EIF4E: variants seen among roughly 807,000 people sequenced by gnomAD.
EIF4E encodes eIF-4F 25 kDa subunit.
For missense variants in EIF4E, 113 were observed against 265.6 expected (o/e 0.43, Z 3.99); for synonymous variants, 71 against 88.5 (o/e 0.80, Z 1.11).
intron 6 of EIF4E, among the ~76,000 whole-genome samples, chr4:98,882,648 T>C (rs899580403): frequency 6.6e-6 from 1 of 151,942 alleles, no homozygotes; most frequent in Admixed American, 6.6e-5. Flanking sequence ...TGCAATGCAT[T>C]CCTTTCAATT....
chr4:98,919,558 C>CTTTTTTTTTT (rs532537834), intron 1 of EIF4E, among the ~76,000 whole-genome samples: 1 of 131,890 alleles, frequency 7.6e-6, no homozygotes, highest in African/African-American at 2.8e-5. Context: ...GATTCTTTTT[C>CTTTTTTTTTT]TTTTTTTTTT....
At chr4:98,886,753 G>T (rs1437448415) in intron 5 of EIF4E, 1 of 362,586 alleles carries the variant, frequency 2.8e-6, no homozygotes, top group Non-Finnish European at 5.3e-6. Flanking sequence ...TATACATATA[G>T]CAATGCTGTA....
rs1414398452 is a variant in EIF4E at position 98,880,296 on chromosome 4, T to C, written c.*732A>G. On this transcript the variant is annotated 3_prime_UTR_variant, in exon 7 of 7. Coordinates refer to ENST00000450253, the MANE Select transcript of EIF4E (RefSeq NM_001968.5). ...TTATGTTTAGGAAATCACACAAACA[T>C]AGATCACTGATTTGAATGAAATGCA... The C allele has an allele frequency of 7.7e-6, 1 of 130,442 alleles. No homozygotes were observed. The highest frequency in any genetic ancestry group is 2.9e-5 in the African/African-American group (1 of 34,244). 8.1% of individuals were successfully genotyped at this position (130,442 alleles called of 1,614,324 possible). A position where few individuals can be genotyped will look rare whatever the true frequency, so the allele number is the denominator to read the frequency against.
At chr4:98,910,476 T>C (rs1389220819) in intron 1 of EIF4E, among the ~76,000 whole-genome samples, 7 of 152,202 alleles carry the variant, frequency 4.6e-5, no homozygotes. Flanking sequence ...TGTGTACAAA[T>C]TGTGCAGTGT....
chr4:98,913,641 A>G (rs1725247243), intron 1 of EIF4E, among the ~76,000 whole-genome samples: 1 of 152,214 alleles, frequency 6.6e-6, no homozygotes, highest in Non-Finnish European at 1.5e-5. Flanking sequence ...ACCTTTCAAA[A>G]GAAAATATTT....
At chr4:98,903,108 G>A (rs1231742976) in intron 1 of EIF4E, among the ~76,000 whole-genome samples, 1 of 152,084 alleles carries the variant, frequency 6.6e-6, no homozygotes, top group Non-Finnish European at 1.5e-5. Flanking sequence ...TAAAATAGGT[G>A]TTCACCACAT....
intron 1 of EIF4E, among the ~76,000 whole-genome samples, chr4:98,927,780 A>T (rs1721252704): frequency 6.6e-6 from 1 of 151,834 alleles, no homozygotes; most frequent in African/African-American, 2.4e-5. Flanking sequence ...CAAGGTCTAG[A>T]GCTGGTTCCA....
At chr4:98,924,746 C>T (rs1377606746) in intron 1 of EIF4E, among the ~76,000 whole-genome samples, 1 of 152,274 alleles carries the variant, frequency 6.6e-6, no homozygotes, top group East Asian at 1.9e-4. Context: ...GCGCCTGCCA[C>T]CAGGCCTGGC....
At chr4:98,904,991 T>C (rs767037826) in intron 1 of EIF4E, among the ~76,000 whole-genome samples, 1 of 152,064 alleles carries the variant, frequency 6.6e-6, no homozygotes, top group Non-Finnish European at 1.5e-5. Flanking sequence ...ATGATCTATA[T>C]GGGAACTAAA....
At chr4:98,921,888 C>T (rs1725656303) in intron 1 of EIF4E, among the ~76,000 whole-genome samples, 1 of 152,130 alleles carries the variant, frequency 6.6e-6, no homozygotes, top group African/African-American at 2.4e-5. Context: ...GGTTAAGTGT[C>T]CATCCACTTT....
chr4:98,917,128 ACACAC>A lies in EIF4E; in HGVS notation c.18+11962_18+11966del, dbSNP rs1252289892. On this transcript the variant is annotated intron_variant, in intron 1 of 6. Coordinates refer to ENST00000450253, the MANE Select transcript of EIF4E (RefSeq NM_001968.5). ...CACACACACACACACACACACACACACACACAAAAAAAACCCAAATGCTCAAGTGT... is the reference window on the plus strand; with the variant it reads ...CACACACACACACACACACACACACAAAAAAAAACCCAAATGCTCAAGTGT... Among the ~76,000 whole-genome samples, 56 of 47,608 alleles carry A rather than the reference ACACAC, an allele frequency of 1.2e-3. 1 individual carries two copies. Among genetic ancestry groups the A allele is most frequent in the South Asian group, 2.3e-3 (5 of 2,140 alleles). 31.2% of individuals were successfully genotyped at this position (47,608 alleles called of 152,430 possible). A position where few individuals can be genotyped will look rare whatever the true frequency, so the allele number is the denominator to read the frequency against.
Position 98,912,572 on chromosome 4 carries a change from CA to C in EIF4E, c.19-10591del, listed in dbSNP as rs964992060. On this transcript the variant is annotated intron_variant, in intron 1 of 6. Coordinates refer to ENST00000450253, the MANE Select transcript of EIF4E (RefSeq NM_001968.5). ...GCATAGCGAAAGCAAGACTCCATCT[CA>C]AAAAAAAAACCACAAAGAAAAGAAA... Among the ~76,000 whole-genome samples the C allele has an allele frequency of 9.5e-3, 1,366 of 143,450 alleles. 22 individuals carry two copies. The highest frequency in any genetic ancestry group is 0.033 in the African/African-American group (1,284 of 39,170). 94.1% of individuals were successfully genotyped at this position (143,450 alleles called of 152,430 possible).
Position 98,887,067 on chromosome 4 carries a change from T to A in EIF4E, c.399+12A>T, listed in dbSNP as rs1723954050. On this transcript the variant is annotated intron_variant, in intron 5 of 6. Transcript: ENST00000450253. The surrounding 1 kb of genome is among the most constrained non-coding windows in gnomAD (Gnocchi z 4.0). ...CTACCTCTAAAACTGCTTTATACTT[T>A]TAAAACCTTACTGTCTCTAGCCAAA... is the stretch of plus-strand genomic sequence containing the variant. The A allele has an allele frequency of 1.2e-6, 2 of 1,612,018 alleles. No homozygotes were observed. The highest frequency in any genetic ancestry group is 1.7e-6 in the Non-Finnish European group (2 of 1,179,382).
At chr4:98,898,129 A>C (rs1189999511) in intron 2 of EIF4E, among the ~76,000 whole-genome samples, 1 of 152,190 alleles carries the variant, frequency 6.6e-6, no homozygotes, top group Non-Finnish European at 1.5e-5. Flanking sequence ...GGGGGAAAAA[A>C]GAAACCTAGT....
At position 98,885,074 on chromosome 4, in the gene EIF4E, T is replaced by A; in HGVS notation, c.400-13A>T. ...TAAGGCACAGAAGCTTAAAAAAAAA[T>A]CCCAAATTACATTTAATAGATTATA... is the stretch of plus-strand genomic sequence containing the variant. On this transcript the variant is annotated splice_polypyrimidine_tract_variant and intron_variant, in intron 5 of 6. Transcript: ENST00000450253. 1 of 1,607,698 alleles carries A rather than the reference T, an allele frequency of 6.2e-7. No individual in the cohort carries two copies. The highest frequency in any genetic ancestry group is 8.5e-7 in the Non-Finnish European group (1 of 1,176,272).
chr4:98,885,961 C>A (rs1195507918), intron 5 of EIF4E, among the ~76,000 whole-genome samples: 1 of 151,918 alleles, frequency 6.6e-6, no homozygotes. Flanking sequence ...CATGATCTTC[C>A]CCCTCAAAAA....
rs11408890 is a variant in EIF4E, at chr4:98,883,393, A to ATTTTTTT, written c.539+1522_539+1528dup. On this transcript the variant is annotated intron_variant, in intron 6 of 6. Transcript: ENST00000450253. ...ATTTTAACATAAAATTGTAAGTCAAATTTTTTTTTTTTTTTTTTTTTTTGT... is the reference window on the plus strand; with the variant it reads ...ATTTTAACATAAAATTGTAAGTCAAATTTTTTTTTTTTTTTTTTTTTTTTTTTTTTGT... Among the ~76,000 whole-genome samples the ATTTTTTT allele has an allele frequency of 5.2e-4, 54 of 103,866 alleles. 1 individual carries two copies. The highest frequency in any genetic ancestry group is 9.9e-4 in the Admixed American group (7 of 7,096). The allele number at this position is 103,866 out of a possible 152,430, so 68.1% of individuals were successfully genotyped here.
rs1723984978 is a variant in EIF4E, at chr4:98,887,781, C to T, written c.285+108G>A. Reference sequence around the variant, plus strand: ...ATACTACAGCCAATTAAATTATCAGCCTATTCATCACACTATCAAATATTC... The same window carrying T: ...ATACTACAGCCAATTAAATTATCAGTCTATTCATCACACTATCAAATATTC... On this transcript the variant is annotated intron_variant, in intron 4 of 6. Transcript: ENST00000450253. This position sits in a 1 kb window ranked among gnomAD's most constrained non-coding sequence, Gnocchi z 4.0. 1.1e-6 allele frequency: 1 copy of T among 919,078 alleles called. No homozygotes were observed. Among genetic ancestry groups the T allele is most frequent in the Non-Finnish European group, 1.7e-6 (1 of 577,774 alleles). 56.9% of individuals were successfully genotyped at this position (919,078 alleles called of 1,614,324 possible).
At chr4:98,927,814 C>T (rs969777792) in intron 1 of EIF4E, among the ~76,000 whole-genome samples, 1 of 151,984 alleles carries the variant, frequency 6.6e-6, no homozygotes, top group African/African-American at 2.4e-5. Flanking sequence ...TTTCTGATTG[C>T]TAATAAACCC....
Sources: gnomAD v4.1 joint callset for allele counts (sites outside exome capture counted in the v4.1 genomes callset) on GRCh38, gnomAD v4.1.1 for gene constraint, Gnocchi (gnomAD v3.1) non-coding constraint, MANE v1.5 for transcripts, NCBI Gene and HGNC (gene_info 2026-07-23, HGNC 2026-07-21) for gene names.